Variants in MROH2B observed in about 807,000 individuals in gnomAD.
MROH2B encodes maestro heat-like repeat-containing protein family member 2B.
A neutral mutation model predicts 208.6 loss-of-function variants in MROH2B; 177 were observed. The ratio of observed to expected loss-of-function variants is 0.85; its 90% confidence interval spans 0.75 to 0.96. The LOEUF is 0.96. Ranked by LOEUF, MROH2B falls within the 40% of genes least tolerant of loss-of-function variation. The probability of loss-of-function intolerance (pLI) is 0.00; values close to 1 mark genes in which losing one functional copy is unlikely to be tolerated. For synonymous variants in MROH2B, 728 were observed against 659.0 expected, an observed-to-expected ratio of 1.10 and a Z score of -1.60; for missense variants, 2,002 against 1,878.7, an observed-to-expected ratio of 1.07 and a Z score of -1.21.
chr5:41,054,839 C>T lies in MROH2B; in HGVS notation c.1035G>A (p.Glu345=). 6.2e-7 allele frequency: 1 copy of T among 1,607,726 alleles called. No homozygotes were observed. Among genetic ancestry groups the T allele is most frequent in the South Asian group, 1.1e-5 (1 of 89,614 alleles). Residue 345 remains glutamate (E), a splice_region_variant and synonymous_variant, in exon 11 of 42, where the codon GAG becomes GAA. Transcript: ENST00000399564. The part of the protein sequence containing the change: ...TLLRLAVNAD[E]PRLRDHIISI... ...AAATGATGTGATCCCTCAACCTGGGCTCTGAAAGACAGAGGGAGAAATTGA... is the reference window on the plus strand; with the variant it reads ...AAATGATGTGATCCCTCAACCTGGGTTCTGAAAGACAGAGGGAGAAATTGA...
intron 24 of MROH2B, 115 bp downstream of exon 24, chr5:41,032,627 A>G (rs561570918): frequency 8.6e-6 from 7 of 812,434 alleles, no homozygotes; most frequent in Non-Finnish European, 1.4e-5. Flanking sequence ...CCATTAATGA[A>G]CTGTGTTCAG....
At chr5:41,055,985 C>A (rs182089087) in intron 9 of MROH2B, 130 bp from the exon 10 acceptor site, 1 of 662,878 alleles carries the variant, frequency 1.5e-6, no homozygotes, top group Non-Finnish European at 2.6e-6. Context: ...GATTTTATTA[C>A]GTCCATGCTT....
intron 21 of MROH2B, 45 bp from the exon 22 acceptor site, chr5:41,033,909 TGAGA>T (rs1261482938): frequency 6.5e-7 from 1 of 1,547,280 alleles, no homozygotes; most frequent in South Asian, 1.2e-5. Context: ...TGAGTGGCAT[TGAGA>T]GATATACCCA....
At chr5:41,007,237 G>C in intron 34 of MROH2B, 77 bp downstream of exon 34, 2 of 1,306,752 alleles carry the variant, frequency 1.5e-6, no homozygotes, top group Non-Finnish European at 2.0e-6. Context: ...CAGTGAAGTT[G>C]CCTGTATTGC....
At chr5:41,004,285 C>T (rs1561272963) in intron 37 of MROH2B, 61 bp downstream of exon 37, 6 of 1,566,400 alleles carry the variant, frequency 3.8e-6, no homozygotes, top group Non-Finnish European at 5.2e-6. Flanking sequence ...GTGAGCACTA[C>T]CTAAACCTGT....
At chr5:41,052,339 T>C (rs1743310571) in intron 12 of MROH2B, 126 bp downstream of exon 12, 1 of 873,998 alleles carries the variant, frequency 1.1e-6, no homozygotes, top group Admixed American at 4.1e-5. Flanking sequence ...TTTTAAAATT[T>C]ATTTATTTAT....
At chr5:41,021,704 C>A (rs564939905) in intron 24 of MROH2B, among the ~76,000 whole-genome samples, 11 of 151,942 alleles carry the variant, frequency 7.2e-5, no homozygotes, top group Non-Finnish European at 1.5e-4. Context: ...ATGGCAAAAC[C>A]ATGTCTCTAT....
intron 19 of MROH2B, among the ~76,000 whole-genome samples, chr5:41,041,201 A>C (rs1742935589): frequency 6.6e-6 from 1 of 152,230 alleles, no homozygotes; most frequent in Admixed American, 6.5e-5. Flanking sequence ...CTGGCCATTT[A>C]ATGTGTGAGA....
intron 18 of MROH2B, among the ~76,000 whole-genome samples, chr5:41,043,570 G>T (rs1486940022): frequency 6.6e-6 from 1 of 152,134 alleles, no homozygotes; most frequent in Non-Finnish European, 1.5e-5. Flanking sequence ...TGTGGATTTT[G>T]GTCCAGTGCA....
Position 41,000,245 on chromosome 5 carries a change from A to G in MROH2B, c.4457T>C (p.Phe1486Ser). Residue 1486 changes from phenylalanine to serine, a missense_variant, in exon 39 of 42, where the codon TTC (phenylalanine) becomes TCC (serine). Phe to Ser is a radical substitution (Grantham distance 155). Coordinates refer to ENST00000399564, the MANE Select transcript of MROH2B (RefSeq NM_173489.5). Reference protein sequence around the residue: ...LDQDLPRARDFYRQFCVKLAK... With the variant: ...LDQDLPRARDSYRQFCVKLAK... ...CAGTTTCACACAGAATTGCCTGTAG[A>G]AATCCCTGGCCCTTGGTAGATCCTG... is the stretch of plus-strand genomic sequence containing the variant. The G allele has an allele frequency of 6.2e-7, 1 of 1,613,928 alleles. No homozygotes were observed. The highest frequency in any genetic ancestry group is 8.5e-7 in the Non-Finnish European group (1 of 1,179,826).
chr5:41,006,872 T>A (rs925200522), intron 34 of MROH2B, among the ~76,000 whole-genome samples: 1 of 152,142 alleles, frequency 6.6e-6, no homozygotes, highest in Non-Finnish European at 1.5e-5. Flanking sequence ...AGCCTACATA[T>A]TGGGTGCAGT....
At chr5:41,039,837 T>C (rs1742888230) in intron 19 of MROH2B, among the ~76,000 whole-genome samples, 1 of 152,082 alleles carries the variant, frequency 6.6e-6, no homozygotes, top group African/African-American at 2.4e-5. Flanking sequence ...CAGGAGTAGG[T>C]AGTGAGGATT....
intron 2 of MROH2B, among the ~76,000 whole-genome samples, chr5:41,067,996 T>C (rs919235098): frequency 1.3e-5 from 2 of 152,192 alleles, no homozygotes; most frequent in African/African-American, 4.8e-5. Context: ...TTCATGCCTC[T>C]GCAGACAGAA....
intron 5 of MROH2B, 65 bp downstream of exon 5, chr5:41,064,407 G>C: frequency 7.4e-7 from 1 of 1,348,794 alleles, no homozygotes; most frequent in South Asian, 1.3e-5. Context: ...CAAGACTTTT[G>C]CTTAATTTGT....
At chr5:41,000,199 C>T (rs771477622) in intron 39 of MROH2B, 21 bp downstream of exon 39, 38 of 1,609,042 alleles carry the variant, frequency 2.4e-5, no homozygotes, top group Admixed American at 5.1e-5. Flanking sequence ...TTTTTGGAGG[C>T]GGCATCTATT....
chr5:41,010,489 G>A (rs1029056589), intron 30 of MROH2B, among the ~76,000 whole-genome samples: 1 of 152,194 alleles, frequency 6.6e-6, no homozygotes, highest in African/African-American at 2.4e-5. Flanking sequence ...GAGGAACTGA[G>A]TCACATTGGA....
chr5:41,031,139 A>G (rs532504640), intron 24 of MROH2B, among the ~76,000 whole-genome samples: 36 of 152,260 alleles, frequency 2.4e-4, no homozygotes, highest in Non-Finnish European at 4.4e-4. Flanking sequence ...GGTAATTTAT[A>G]AAGGAAAGAG....
chr5:41,068,332 A>G (rs374589221), intron 2 of MROH2B, among the ~76,000 whole-genome samples: 1 of 152,076 alleles, frequency 6.6e-6, no homozygotes, highest in South Asian at 2.1e-4. Context: ...TGTGCTTACT[A>G]TCCTGTCTGC....
chr5:41,006,032 C>CAAAAAAA (rs5867531), intron 34 of MROH2B, among the ~76,000 whole-genome samples: 48 of 129,886 alleles, frequency 3.7e-4, no homozygotes, highest in Non-Finnish European at 6.5e-4. Flanking sequence ...ATTCTGTCTC[C>CAAAAAAA]AAAAAAAAAA....
Sources: allele counts gnomAD v4.1 joint callset (sites outside exome capture counted in the v4.1 genomes callset), GRCh38; gene constraint gnomAD v4.1.1; transcripts MANE v1.5; gene names NCBI Gene and HGNC (gene_info 2026-07-23, HGNC 2026-07-21).